HLA-DRA: variants seen among roughly 807,000 people sequenced by gnomAD.
The protein encoded by HLA-DRA is HLA class II histocompatibility antigen, DR alpha chain.
Under a neutral mutation model 22.1 loss-of-function variants are expected in HLA-DRA, and 8 were observed. That is an observed-to-expected ratio of 0.36 (90% confidence interval 0.21 to 0.65). The LOEUF is 0.65. Among genes scored for constraint, HLA-DRA ranks in the 30% least tolerant of loss-of-function variants. The pLI is 0.63. For synonymous variants in HLA-DRA, 101 were observed against 117.1 expected, an observed-to-expected ratio of 0.86 and a Z score of 0.89; for missense variants, 248 against 321.3, an observed-to-expected ratio of 0.77 and a Z score of 1.74.
Position 32,439,946 on chromosome 6 carries a change from A to G in HLA-DRA, c.-5A>G. 6.2e-7 allele frequency: 1 copy of G among 1,613,956 alleles called. No individual in the cohort carries two copies. The highest frequency in any genetic ancestry group is 8.5e-7 in the Non-Finnish European group (1 of 1,179,874). ...CTGACTCCCAACAGAGCGCCCAAGA[A>G]GAAAATGGCCATAAGTGGAGTCCCT... On this transcript the variant is annotated 5_prime_UTR_variant, in exon 1 of 5. Coordinates refer to ENST00000395388, the MANE Select transcript of HLA-DRA (RefSeq NM_019111.5).
In HLA-DRA at chr6:32,443,883, T is replaced by C; in HGVS notation, c.738T>C (p.Asn246=). The C allele has an allele frequency of 3.1e-6, 5 of 1,607,886 alleles. No individual in the cohort carries two copies. The highest frequency in any genetic ancestry group is 4.2e-6 in the Non-Finnish European group (5 of 1,177,756). ...TCATCAAGGGATTGCGCAAAAGCAA[T>C]GCAGCAGAACGCAGGGGGCCTCTGT... ...IFIIKGLRKS[N]AAERRGPL is the part of the protein sequence containing the mutation. The change falls in exon 4 of 5, where the codon AAT becomes AAC. Residue 246 remains asparagine, a synonymous_variant. Coordinates refer to ENST00000395388, the MANE Select transcript of HLA-DRA (RefSeq NM_019111.5).
chr6:32,442,964 G>GA (rs1762710510), intron 2 of HLA-DRA, among the ~76,000 whole-genome samples: 1 of 152,142 alleles, frequency 6.6e-6, no homozygotes, highest in South Asian at 2.1e-4. Context: ...GAAGTCCTTG[G>GA]ATATCTTATA....
In HLA-DRA at chr6:32,442,527, T is replaced by C; in HGVS notation, c.162T>C (p.Asp54=). ...AGTTTATGTTTGACTTTGATGGTGA[T>C]GAGATTTTCCATGTGGATATGGCAA... is the stretch of plus-strand genomic sequence containing the variant. The part of the protein sequence containing the change: ...SGEFMFDFDG[D]EIFHVDMAKK... Residue 54 remains aspartate (D), a synonymous_variant, in exon 2 of 5, where the codon GAT becomes GAC. Coordinates refer to ENST00000395388, the MANE Select transcript of HLA-DRA (RefSeq NM_019111.5). 1 of 1,612,768 alleles carries C rather than the reference T, an allele frequency of 6.2e-7. No individual in the cohort carries two copies. The highest frequency in any genetic ancestry group is 8.5e-7 in the Non-Finnish European group (1 of 1,179,770).
At chr6:32,440,578 C>A (rs1373555413) in intron 1 of HLA-DRA, among the ~76,000 whole-genome samples, 2 of 152,112 alleles carry the variant, frequency 1.3e-5, no homozygotes, top group Non-Finnish European at 2.9e-5. Context: ...CAACAATTTA[C>A]CCCAGGAAAA....
intron 4 of HLA-DRA, 74 bp downstream of exon 4, chr6:32,443,995 T>C (rs1762783567): frequency 1.8e-6 from 2 of 1,137,084 alleles, no homozygotes; most frequent in Admixed American, 2.7e-5. Flanking sequence ...GGAAAGGAAA[T>C]GTAATGCATT....
At chr6:32,444,454 TA>T (rs1207245000) in intron 4 of HLA-DRA, among the ~76,000 whole-genome samples, 197 bp from the exon 5 acceptor site, 2 of 151,230 alleles carry the variant, frequency 1.3e-5, no homozygotes, top group African/African-American at 4.9e-5. Context: ...TGAGAAACTC[TA>T]AAAAAAGGTA....
intron 4 of HLA-DRA, 127 bp downstream of exon 4, chr6:32,444,048 T>G: frequency 1.6e-6 from 1 of 635,360 alleles, no homozygotes; most frequent in Non-Finnish European, 2.4e-6. Context: ...GATTTCTCTT[T>G]GCTAGAACGA....
At chr6:32,442,771 T>C (rs940146496) in intron 2 of HLA-DRA, 78 bp downstream of exon 2, 1 of 1,541,026 alleles carries the variant, frequency 6.5e-7, no homozygotes, top group African/African-American at 1.4e-5. Context: ...TTGTGTTAGA[T>C]TATTGTAACT....
At position 32,443,826 on chromosome 6, in the gene HLA-DRA, T is replaced by A. The variant is rs749480059; in HGVS notation, c.681T>A (p.Gly227=). ...NVVCALGLTV[G]LVGIIIGTIF... is the part of the protein sequence containing the mutation. ...TGTGTGCCCTGGGCCTGACTGTGGG[T>A]CTGGTGGGCATCATTATTGGGACCA... Residue 227 remains glycine (G), a synonymous_variant, in exon 4 of 5, where the codon GGT becomes GGA. Coordinates refer to ENST00000395388, the MANE Select transcript of HLA-DRA (RefSeq NM_019111.5). 9.9e-6 allele frequency: 16 copies of A among 1,612,212 alleles called. No individual in the cohort carries two copies. In the East Asian group the frequency reaches 2.2e-4, roughly 22 times the overall value.
chr6:32,443,506 C>T (rs1762746565), intron 3 of HLA-DRA, 40 bp downstream of exon 3: 1 of 1,562,148 alleles, frequency 6.4e-7, no homozygotes, highest in Admixed American at 1.7e-5. Context: ...TCAAGGTTTC[C>T]TCCTATGATG....
chr6:32,442,369 C>T (rs1264865074), intron 1 of HLA-DRA, 79 bp from the exon 2 acceptor site: 2 of 1,533,738 alleles, frequency 1.3e-6, no homozygotes, highest in Non-Finnish European at 9.0e-7. Flanking sequence ...CTACTTCCTG[C>T]CTACATGTAT....
In HLA-DRA at chr6:32,442,469, C is replaced by T. The variant is rs767685919; in HGVS notation, c.104C>T (p.Ala35Val). 7 of 1,613,026 alleles carry T rather than the reference C, an allele frequency of 4.3e-6. No homozygotes were observed. The South Asian group carries it at 6.6e-5, about 15-fold the overall frequency. ...TCAGAAGAACATGTGATCATCCAGG[C>T]CGAGTTCTATCTGAATCCTGACCAA... is the stretch of plus-strand genomic sequence containing the variant. ...AIKEEHVIIQAEFYLNPDQSG... is the reference protein window; with the variant it reads ...AIKEEHVIIQVEFYLNPDQSG... The change falls in exon 2 of 5, where the codon GCC becomes GTC. Residue 35 changes from alanine (A) to valine (V), a missense_variant. By Grantham distance (64) the Ala-to-Val change is moderately conservative. Coordinates refer to ENST00000395388, the MANE Select transcript of HLA-DRA (RefSeq NM_019111.5).
In HLA-DRA at chr6:32,441,154, C is replaced by T. The variant is rs1306390279; in HGVS notation, c.82+1122C>T. Among the ~76,000 whole-genome samples, 4 of 152,090 alleles carry T rather than the reference C, an allele frequency of 2.6e-5. No homozygotes were observed. In the East Asian group the frequency reaches 5.8e-4, roughly 22 times the overall value. ...CGGGCGGATCATGAGGTCAAGAGAT[C>T]GAGACCGTCCTGGGCAACATGGTGA... is the stretch of plus-strand genomic sequence containing the variant. On this transcript the variant is annotated intron_variant, in intron 1 of 4. Coordinates refer to ENST00000395388, the MANE Select transcript of HLA-DRA (RefSeq NM_019111.5).
chr6:32,442,317 T>C (rs1221847377), intron 1 of HLA-DRA, 131 bp from the exon 2 acceptor site: 1 of 1,085,720 alleles, frequency 9.2e-7, no homozygotes, highest in Non-Finnish European at 1.4e-6. Flanking sequence ...TCATCCCTAC[T>C]CGCCATCATT....
In HLA-DRA at chr6:32,443,171, C is replaced by T; in HGVS notation, c.329-14C>T. ...GATGGCTGATTTCTGTCATGTCTGT[C>T]ATGTGTCCCCCAGTACCTCCAGAGG... On this transcript the variant is annotated splice_polypyrimidine_tract_variant and intron_variant, in intron 2 of 4. Transcript: ENST00000395388. 1.2e-6 allele frequency: 2 copies of T among 1,608,564 alleles called. No homozygotes were observed. The highest frequency in any genetic ancestry group is 2.2e-5 in the East Asian group (1 of 44,800).
Position 32,443,356 on chromosome 6 carries a change from A to G in HLA-DRA, c.500A>G (p.Asp167Gly), listed in dbSNP as rs1335226672. The change falls in exon 3 of 5, where the codon GAC (aspartate) becomes GGC (glycine). Residue 167 changes from aspartate to glycine, a missense_variant. Asp to Gly is a moderately conservative substitution (Grantham distance 94). Coordinates refer to ENST00000395388, the MANE Select transcript of HLA-DRA (RefSeq NM_019111.5). The stretch of plus-strand genomic sequence containing the variant: ...GAGACAGTCTTCCTGCCCAGGGAAG[A>G]CCACCTTTTCCGCAAGTTCCACTAT... Reference protein sequence around the residue: ...VSETVFLPREDHLFRKFHYLP... With the variant: ...VSETVFLPREGHLFRKFHYLP... The G allele has an allele frequency of 1.9e-6, 3 of 1,612,916 alleles. No homozygotes were observed. The highest frequency in any genetic ancestry group is 1.1e-5 in the South Asian group (1 of 91,064).
chr6:32,439,937 C>A lies in HLA-DRA; in HGVS notation c.-14C>A, dbSNP rs549063239. The stretch of plus-strand genomic sequence containing the variant: ...CGAGCTCTACTGACTCCCAACAGAG[C>A]GCCCAAGAAGAAAATGGCCATAAGT... On this transcript the variant is annotated 5_prime_UTR_variant, in exon 1 of 5. Transcript: ENST00000395388. 2 of 1,612,500 alleles carry A rather than the reference C, an allele frequency of 1.2e-6. No homozygotes were observed. Among genetic ancestry groups the A allele is most frequent in the Non-Finnish European group, 1.7e-6 (2 of 1,178,638 alleles).
rs754080261 is a variant in HLA-DRA at position 32,443,907 on chromosome 6, G to T, written c.762G>T (p.Leu254=). The change falls in exon 4 of 5, where the codon CTG becomes CTT. Residue 254 remains leucine, a synonymous_variant. Transcript: ENST00000395388. Reference sequence around the variant, plus strand: ...ATGCAGCAGAACGCAGGGGGCCTCTGTAAGGCACATGGAGGTGAGTTAGGT... The same window carrying T: ...ATGCAGCAGAACGCAGGGGGCCTCTTTAAGGCACATGGAGGTGAGTTAGGT... ...KSNAAERRGP[L] 7.5e-6 allele frequency: 12 copies of T among 1,594,020 alleles called. No individual in the cohort carries two copies. In the South Asian group the frequency reaches 1.4e-4, roughly 18 times the overall value.
Position 32,443,260 on chromosome 6 carries a change from A to G in HLA-DRA, c.404A>G (p.Asp135Gly). The G allele has an allele frequency of 6.2e-7, 1 of 1,612,934 alleles. No homozygotes were observed. Among genetic ancestry groups the G allele is most frequent in the Non-Finnish European group, 8.5e-7 (1 of 1,179,916 alleles). Residue 135 changes from aspartate (D) to glycine (G), a missense_variant, in exon 3 of 5, where the codon GAC (aspartate) becomes GGC (glycine). Asp to Gly is a moderately conservative substitution (Grantham distance 94). Coordinates refer to ENST00000395388, the MANE Select transcript of HLA-DRA (RefSeq NM_019111.5). ...REPNVLICFIDKFTPPVVNVT... is the reference protein window; with the variant it reads ...REPNVLICFIGKFTPPVVNVT... ...CCCAACGTCCTCATCTGTTTCATAG[A>G]CAAGTTCACCCCACCAGTGGTCAAT... is the stretch of plus-strand genomic sequence containing the variant.
Sources: gnomAD v4.1 joint callset for allele counts (sites outside exome capture counted in the v4.1 genomes callset) on GRCh38, gnomAD v4.1.1 for gene constraint, MANE v1.5 for transcripts, NCBI Gene and HGNC (gene_info 2026-07-23, HGNC 2026-07-21) for gene names.